The following COPS7B variants were observed in gnomAD, a reference collection of about 807,000 sequenced individuals.
COPS7B encodes the protein COP9 signalosome complex subunit 7b.
In COPS7B, 9 loss-of-function variants were observed where a neutral mutation model predicts 33.4. That is an observed-to-expected ratio of 0.27 (90% CI 0.16 to 0.47). COPS7B has a LOEUF of 0.47. Ranked by LOEUF, COPS7B falls within the 20% of genes least tolerant of loss-of-function variation. COPS7B has a pLI of 0.99. For synonymous variants in COPS7B, 119 were observed against 126.3 expected (o/e 0.94, Z 0.39); for missense variants, 242 against 318.2 (o/e 0.76, Z 1.82).
chr2:231,807,731 C>T lies in COPS7B; in HGVS notation c.*86C>T. ...GCCCATTTCCTCCCCTCTCTACCTG[C>T]AGTGAGTTCCAGACCTGCCCGTCCC... On this transcript the variant is annotated 3_prime_UTR_variant, in exon 7 of 7. Transcript: ENST00000350033. 7.9e-7 allele frequency: 1 copy of T among 1,268,394 alleles called. No individual in the cohort carries two copies. The highest frequency in any genetic ancestry group is 1.1e-6 in the Non-Finnish European group (1 of 931,470). 78.6% of individuals were successfully genotyped at this position (1,268,394 alleles called of 1,614,324 possible). A position where few individuals can be genotyped will look rare whatever the true frequency, so the allele number is the denominator to read the frequency against.
upstream of COPS7B, among the ~76,000 whole-genome samples, chr2:231,782,985 C>G (rs1262335975): frequency 1.3e-5 from 2 of 152,174 alleles, no homozygotes; most frequent in African/African-American, 4.8e-5. Context: ...TTGAGATAAT[C>G]ACTCTTCTGA....
intron 1 of COPS7B, among the ~76,000 whole-genome samples, chr2:231,787,942 TC>T (rs2049298387): frequency 6.6e-6 from 1 of 152,114 alleles, no homozygotes; most frequent in Non-Finnish European, 1.5e-5. Flanking sequence ...GCTGAGAAAC[TC>T]ATGTGTTTTT....
upstream of COPS7B, among the ~76,000 whole-genome samples, chr2:231,784,101 G>A (rs1206775383): frequency 2.7e-5 from 4 of 150,800 alleles, no homozygotes; most frequent in African/African-American, 4.9e-5. Flanking sequence ...AAGTTGTGCC[G>A]GGCATGGGAG....
intron 2 of COPS7B, 149 bp downstream of exon 2, chr2:231,788,881 A>G (rs1574653965): frequency 6.3e-6 from 4 of 637,934 alleles, no homozygotes; most frequent in Admixed American, 3.2e-5. Flanking sequence ...GGAGAGATTG[A>G]GAGAATATCC....
upstream of COPS7B, among the ~76,000 whole-genome samples, chr2:231,783,378 C>T (rs2049173029): frequency 6.6e-6 from 1 of 152,198 alleles, no homozygotes; most frequent in Admixed American, 6.5e-5. Flanking sequence ...CCAATTTACG[C>T]CTTTGCCAGC....
chr2:231,807,064 G>T (rs556300332), intron 6 of COPS7B, among the ~76,000 whole-genome samples: 9 of 152,166 alleles, frequency 5.9e-5, no homozygotes, highest in Non-Finnish European at 1.2e-4. Context: ...CACTTAGTTG[G>T]CTGAAGTTCA....
At position 231,798,916 on chromosome 2, in the gene COPS7B, C is replaced by G. The variant is rs1370791279; in HGVS notation, c.588C>G (p.Asn196Lys). 2 of 1,614,106 alleles carry G rather than the reference C, an allele frequency of 1.2e-6. No individual in the cohort carries two copies. The highest frequency in any genetic ancestry group is 2.2e-5 in the East Asian group (1 of 44,880). Residue 196 changes from asparagine to lysine, a missense_variant, in exon 6 of 7, where the codon AAC (asparagine) becomes AAG (lysine). Physicochemically the swap from Asn to Lys is moderately conservative, Grantham distance 94. Transcript: ENST00000350033. Reference protein sequence around the residue: ...LGIEQQVLRANQYKENHNRTQ... With the variant: ...LGIEQQVLRAKQYKENHNRTQ... ...TCGAGCAGCAAGTTCTGAGAGCCAA[C>G]CAGTACAAAGAGAACCACAACCGAA...
At chr2:231,781,741 A>C (rs1282475435), upstream of COPS7B, 1 of 1,256,394 alleles carries the variant, frequency 8.0e-7, no homozygotes, top group Non-Finnish European at 1.1e-6. Flanking sequence ...GCGCAAATTC[A>C]CAAACCCGCC....
intron 5 of COPS7B, among the ~76,000 whole-genome samples, chr2:231,797,106 A>G (rs2049593668): frequency 6.6e-6 from 1 of 152,222 alleles, no homozygotes; most frequent in Non-Finnish European, 1.5e-5. Flanking sequence ...GTGTGTTCCC[A>G]GGCAGGCACG....
intron 6 of COPS7B, among the ~76,000 whole-genome samples, chr2:231,802,302 A>C (rs1574677235): frequency 6.6e-6 from 1 of 152,190 alleles, no homozygotes; most frequent in Non-Finnish European, 1.5e-5. Flanking sequence ...TACCTCTTGG[A>C]AAGGGACTCT....
chr2:231,801,065 T>A (rs1302382444), intron 6 of COPS7B: 5 of 1,209,426 alleles, frequency 4.1e-6, no homozygotes, highest in Non-Finnish European at 3.6e-6. Context: ...ATGCCTCTGT[T>A]ACCCTTGGCC....
Position 231,788,625 on chromosome 2 carries a change from G to GC in COPS7B, c.57dup (p.Lys20GlnfsTer41). Reference sequence around the variant, plus strand: ...TCTCCTGGAGCAGTTTATTTTACTAGCCAAAGGTACCAGTGGCTCAGCCCT... The same window carrying GC: ...TCTCCTGGAGCAGTTTATTTTACTAGCCCAAAGGTACCAGTGGCTCAGCCCT... On this transcript the variant is annotated frameshift_variant, in exon 2 of 7. Coordinates refer to ENST00000350033, the MANE Select transcript of COPS7B (RefSeq NM_022730.4). LOFTEE classifies it high-confidence loss of function. 1 of 1,614,132 alleles carries GC rather than the reference G, an allele frequency of 6.2e-7. No homozygotes were observed. Among genetic ancestry groups the GC allele is most frequent in the Non-Finnish European group, 8.5e-7 (1 of 1,180,012 alleles).
rs375022147 is a variant in COPS7B at position 231,796,231 on chromosome 2, G to T, written c.453G>T (p.Leu151=). 3.1e-6 allele frequency: 5 copies of T among 1,614,082 alleles called. No homozygotes were observed. The African/African-American group carries it at 6.7e-5, about 22-fold the overall frequency. Reference sequence around the variant, plus strand: ...GCAAGCTGGACCAGCGAAACCAGCTGCTGGAAGTGGATTTCTGCATTGGCC... The same window carrying T: ...GCAAGCTGGACCAGCGAAACCAGCTTCTGGAAGTGGATTTCTGCATTGGCC... The part of the protein sequence containing the change: ...IQGKLDQRNQ[L]LEVDFCIGRD... Residue 151 remains leucine, a synonymous_variant, in exon 5 of 7, where the codon CTG becomes CTT. Coordinates refer to ENST00000350033, the MANE Select transcript of COPS7B (RefSeq NM_022730.4).
upstream of COPS7B, among the ~76,000 whole-genome samples, chr2:231,784,130 AG>A (rs2049186639): frequency 2.5e-5 from 1 of 39,502 alleles, no homozygotes; most frequent in Non-Finnish European, 5.0e-5. Context: ...GAGAAGGGGG[AG>A]GGGGTGGGGT....
At chr2:231,794,198 A>G in intron 3 of COPS7B, 65 bp from the exon 4 acceptor site, 1 of 1,375,860 alleles carries the variant, frequency 7.3e-7, no homozygotes, top group African/African-American at 1.4e-5. Flanking sequence ...TGGTGAGCTT[A>G]TTCCATAAAA....
chr2:231,801,427 A>G (rs545583486), intron 6 of COPS7B: 1 of 545,044 alleles, frequency 1.8e-6, no homozygotes, highest in East Asian at 1.5e-4. Flanking sequence ...TCACATTTAA[A>G]TTTGATTTTG....
intron 6 of COPS7B, chr2:231,801,345 T>C: frequency 6.9e-7 from 1 of 1,451,772 alleles, no homozygotes; most frequent in East Asian, 2.5e-5. Context: ...GGGGGACCAT[T>C]ATGAGCTGTT....
chr2:231,794,944 G>T (rs1245564706), intron 4 of COPS7B, among the ~76,000 whole-genome samples: 1 of 146,632 alleles, frequency 6.8e-6, no homozygotes, highest in Non-Finnish European at 1.5e-5. Context: ...TTTTGAGACA[G>T]AGTGTTGCTC....
At position 231,796,190 on chromosome 2, in the gene COPS7B, A is replaced by G. The variant is rs775658704; in HGVS notation, c.412A>G (p.Thr138Ala). ...AGACCTTATCATTGAGGCTGTCTAC[A>G]CTGACATCATCCAGGGCAAGCTGGA... ...LEDLIIEAVY[T>A]DIIQGKLDQR... The change falls in exon 5 of 7, where the codon ACT (threonine) becomes GCT (alanine). Residue 138 changes from threonine to alanine, a missense_variant. Transcript: ENST00000350033. 1.2e-6 allele frequency: 2 copies of G among 1,614,192 alleles called. No individual in the cohort carries two copies. Among genetic ancestry groups the G allele is most frequent in the East Asian group, 2.2e-5 (1 of 44,894 alleles).
Sources: allele counts gnomAD v4.1 joint callset (sites outside exome capture counted in the v4.1 genomes callset), GRCh38; gene constraint gnomAD v4.1.1; transcripts MANE v1.5; gene names NCBI Gene and HGNC (gene_info 2026-07-23, HGNC 2026-07-21).